The following RSU1 variants were observed in gnomAD, a reference collection of about 807,000 sequenced individuals.
RSU1 encodes the protein rsu-1.
RSU1 carries 26 observed loss-of-function variants against 31.1 expected under a neutral mutation model. That is an observed-to-expected ratio of 0.84 (90% confidence interval 0.61 to 1.16). RSU1 has a LOEUF of 1.16. Ranked by LOEUF, RSU1 falls within the 50% of genes most tolerant of loss-of-function variation. The probability of loss-of-function intolerance (pLI) is 0.00; values close to 1 mark genes in which losing one functional copy is unlikely to be tolerated. For missense variants in RSU1, 320 were observed against 339.1 expected (o/e 0.94, Z 0.44); for synonymous variants, 164 against 136.3 (o/e 1.20, Z -1.41).
At chr10:16,612,205 G>C (rs1032227203) in intron 8 of RSU1, among the ~76,000 whole-genome samples, 1 of 152,182 alleles carries the variant, frequency 6.6e-6, no homozygotes, top group African/African-American at 2.4e-5. Flanking sequence ...CAACGTTTTA[G>C]ACAAAACACT....
At chr10:16,790,601 G>A (rs774301430) in intron 2 of RSU1, among the ~76,000 whole-genome samples, 25 of 152,184 alleles carry the variant, frequency 1.6e-4, no homozygotes, top group Non-Finnish European at 2.8e-4. Context: ...TGAGCACAGA[G>A]ATGAAAAACA....
intron 8 of RSU1, among the ~76,000 whole-genome samples, chr10:16,633,032 C>T (rs893851974): frequency 3.9e-5 from 6 of 152,322 alleles, no homozygotes; most frequent in Middle Eastern, 3.4e-3. Flanking sequence ...TAGAGTTTCT[C>T]AGCCTTGGCA....
intron 7 of RSU1, among the ~76,000 whole-genome samples, chr10:16,697,440 T>C (rs1390547518): frequency 1.3e-5 from 2 of 152,130 alleles, no homozygotes; most frequent in Admixed American, 1.3e-4. Context: ...GTGGATCACT[T>C]GAGGTCAGGA....
intron 8 of RSU1, among the ~76,000 whole-genome samples, chr10:16,625,801 G>T (rs1834148194): frequency 6.6e-6 from 1 of 152,220 alleles, no homozygotes; most frequent in Non-Finnish European, 1.5e-5. Flanking sequence ...AGGAGTAGGA[G>T]CAAGAGGTTG....
At chr10:16,815,196 G>A (rs1444390061) in intron 2 of RSU1, among the ~76,000 whole-genome samples, 1 of 152,230 alleles carries the variant, frequency 6.6e-6, no homozygotes, top group Non-Finnish European at 1.5e-5. Flanking sequence ...CTGACAGCAA[G>A]GACCCTTACG....
intron 8 of RSU1, among the ~76,000 whole-genome samples, chr10:16,596,339 G>A (rs1032335065): frequency 6.6e-6 from 1 of 152,184 alleles, no homozygotes; most frequent in African/African-American, 2.4e-5. Flanking sequence ...ACAACAGATA[G>A]GCAGAGGAAA....
At chr10:16,718,685 A>C (rs1214437548) in intron 7 of RSU1, among the ~76,000 whole-genome samples, 1 of 152,160 alleles carries the variant, frequency 6.6e-6, no homozygotes, top group Non-Finnish European at 1.5e-5. Context: ...TAAAGTAACA[A>C]CAAAAAAAGT....
chr10:16,762,203 C>T (rs1488064072), intron 4 of RSU1, among the ~76,000 whole-genome samples: 9 of 151,906 alleles, frequency 5.9e-5, no homozygotes, highest in Admixed American at 2.6e-4. Context: ...TCAATGAAAA[C>T]GTAAATAAGA....
At chr10:16,772,822 T>C (rs1389701464) in intron 3 of RSU1, among the ~76,000 whole-genome samples, 1 of 152,166 alleles carries the variant, frequency 6.6e-6, no homozygotes, top group African/African-American at 2.4e-5. Context: ...ACAAGGTAGA[T>C]AGTCAGCAAG....
At chr10:16,803,770 A>G (rs1251742637) in intron 2 of RSU1, among the ~76,000 whole-genome samples, 2 of 152,228 alleles carry the variant, frequency 1.3e-5, no homozygotes, top group Non-Finnish European at 2.9e-5. Context: ...ACAGATGGAC[A>G]TCAACACACA....
intron 8 of RSU1, among the ~76,000 whole-genome samples, chr10:16,678,247 A>G (rs1835268398): frequency 6.6e-6 from 1 of 152,196 alleles, no homozygotes; most frequent in Non-Finnish European, 1.5e-5. Flanking sequence ...ATGAATGACC[A>G]TCTTTTCTCA....
intron 6 of RSU1, 24 bp from the exon 7 acceptor site, chr10:16,752,677 CA>C (rs1564344375): frequency 3.2e-6 from 5 of 1,556,888 alleles, no homozygotes; most frequent in Non-Finnish European, 3.5e-6. Context: ...AACAAGTTGT[CA>C]ACATATTTAC....
At chr10:16,723,052 A>G (rs1312597767) in intron 7 of RSU1, 1 of 150,180 alleles carries the variant, frequency 6.7e-6, no homozygotes, top group Admixed American at 6.6e-5. Context: ...ACATACATAC[A>G]CACATATATA....
At chr10:16,756,930 TGTGTGGGGGCGGGTATGTGTGTG>T (rs1837099099) in intron 4 of RSU1, among the ~76,000 whole-genome samples, 1 of 128,198 alleles carries the variant, frequency 7.8e-6, no homozygotes, top group Non-Finnish European at 1.7e-5. Context: ...CGTGGGGGGC[TGTGTGGGGGCGGGTATGTGTGTG>T]GTGTGGGGTA....
chr10:16,657,549 T>C (rs1834808856), intron 8 of RSU1, among the ~76,000 whole-genome samples: 1 of 151,616 alleles, frequency 6.6e-6, no homozygotes, highest in Admixed American at 6.6e-5. Context: ...AAAGCAATTC[T>C]AGGGTACATT....
chr10:16,754,876 TAGA>T lies in RSU1; in HGVS notation c.392_394del (p.Phe131del), dbSNP rs1384500578. 5.7e-6 allele frequency: 9 copies of T among 1,589,968 alleles called. No homozygotes were observed. The highest frequency in any genetic ancestry group is 7.8e-6 in the Non-Finnish European group (9 of 1,159,330). On this transcript the variant is annotated inframe_deletion, in exon 5 of 9. Coordinates refer to ENST00000345264, the MANE Select transcript of RSU1 (RefSeq NM_012425.4). ...TAGAATTGAAAGTTTCTTACTCAGG[TAGA>T]AGAAGTTTCCAGGAAGAGAATTTTC... is the stretch of plus-strand genomic sequence containing the variant.
chr10:16,636,398 GC>G (rs1395236567), intron 8 of RSU1, among the ~76,000 whole-genome samples: 3 of 151,976 alleles, frequency 2.0e-5, no homozygotes, highest in African/African-American at 7.2e-5. Context: ...CCAATTCTTT[GC>G]CAAACTCTGT....
chr10:16,687,369 G>T (rs1386857236), intron 8 of RSU1, among the ~76,000 whole-genome samples: 1 of 152,102 alleles, frequency 6.6e-6, no homozygotes, highest in Admixed American at 6.5e-5. Context: ...GAACCATTTT[G>T]CATGAGCTAT....
intron 7 of RSU1, among the ~76,000 whole-genome samples, chr10:16,709,993 A>C (rs1254179349): frequency 6.6e-6 from 1 of 152,066 alleles, no homozygotes; most frequent in South Asian, 2.1e-4. Flanking sequence ...CTCTTTTCCA[A>C]TTTGGATGCC....
Sources: allele counts gnomAD v4.1 joint callset (sites outside exome capture counted in the v4.1 genomes callset), GRCh38; gene constraint gnomAD v4.1.1; transcripts MANE v1.5; gene names NCBI Gene and HGNC (gene_info 2026-07-23, HGNC 2026-07-21).